Variants in PAIP1 observed in about 807,000 individuals in gnomAD.
PAIP1 encodes poly(A) binding protein interacting protein 1.
PAIP1 carries 16 observed loss-of-function variants against 61.3 expected under a neutral mutation model. That is an observed-to-expected ratio of 0.26 (90% confidence interval 0.18 to 0.40). The LOEUF is 0.40. PAIP1 is among the 10% of genes least tolerant of loss of function. The pLI, the probability that PAIP1 is intolerant of heterozygous loss-of-function variation, is 1.00. For synonymous variants in PAIP1, 187 were observed against 226.2 expected, an observed-to-expected ratio of 0.83 and a Z score of 1.56; for missense variants, 416 against 600.9, an observed-to-expected ratio of 0.69 and a Z score of 3.22.
intron 4 of PAIP1, among the ~76,000 whole-genome samples, chr5:43,542,533 C>CA (rs35220672): frequency 0.061 from 3,706 of 60,994 alleles, 117 homozygotes; most frequent in African/African-American, 0.12. Flanking sequence ...GACTCCATCT[C>CA]AAAAAAAAAA....
intron 6 of PAIP1, among the ~76,000 whole-genome samples, chr5:43,536,124 AAG>A (rs748071669): frequency 6.6e-6 from 1 of 152,232 alleles, no homozygotes; most frequent in Non-Finnish European, 1.5e-5. Flanking sequence ...AACAAAAACC[AAG>A]ATTGATTATA....
At chr5:43,546,910 G>A (rs1292971821) in intron 3 of PAIP1, among the ~76,000 whole-genome samples, 2 of 151,704 alleles carry the variant, frequency 1.3e-5, no homozygotes, top group South Asian at 2.1e-4. Context: ...GGGCATGGTG[G>A]TGCACACCTG....
chr5:43,556,342 C>A (rs937777905), intron 1 of PAIP1: 6 of 1,235,952 alleles, frequency 4.9e-6, no homozygotes, highest in African/African-American at 1.6e-5. Context: ...TCCCGGGACC[C>A]CGAACTCCGA....
intron 5 of PAIP1, among the ~76,000 whole-genome samples, chr5:43,538,353 C>A (rs1414152846): frequency 1.3e-5 from 2 of 151,964 alleles, no homozygotes; most frequent in African/African-American, 2.4e-5. Context: ...GTGTTCTTAA[C>A]ACAAAAAAGT....
chr5:43,548,139 T>C (rs572293750), intron 2 of PAIP1, among the ~76,000 whole-genome samples: 1 of 152,360 alleles, frequency 6.6e-6, no homozygotes, highest in East Asian at 1.9e-4. Context: ...AATTGTCTTC[T>C]CATTCTGGGT....
intron 5 of PAIP1, 92 bp downstream of exon 5, chr5:43,538,832 T>C: frequency 1.4e-6 from 1 of 720,244 alleles, no homozygotes; most frequent in Admixed American, 2.1e-5. Flanking sequence ...ACTCTTAATG[T>C]TGTAAAAGTA....
Position 43,545,127 on chromosome 5 carries a change from T to C in PAIP1, c.622-2011A>G, listed in dbSNP as rs958941734. The stretch of plus-strand genomic sequence containing the variant: ...TTCAGTTTTTACTACACTTTTATAT[T>C]CTTCTCATTGATTTATCCCTAAACT... On this transcript the variant is annotated intron_variant, in intron 3 of 10. Transcript: ENST00000306846. Among the ~76,000 whole-genome samples the C allele has an allele frequency of 2.6e-4, 40 of 152,236 alleles. 1 individual carries two copies. The highest frequency in any genetic ancestry group is 9.4e-4 in the African/African-American group (39 of 41,462).
intron 10 of PAIP1, among the ~76,000 whole-genome samples, chr5:43,528,591 A>T (rs1034908165): frequency 6.6e-6 from 1 of 152,164 alleles, no homozygotes. Flanking sequence ...TGGGTCCTTA[A>T]ATCCCTGTAT....
chr5:43,540,500 G>C (rs917689025), intron 4 of PAIP1, among the ~76,000 whole-genome samples: 2 of 152,100 alleles, frequency 1.3e-5, no homozygotes, highest in Admixed American at 6.5e-5. Context: ...TTAAGCTAAA[G>C]ATTTTCAATT....
intron 9 of PAIP1, among the ~76,000 whole-genome samples, chr5:43,530,466 T>C (rs562559443): frequency 6.6e-6 from 1 of 152,356 alleles, no homozygotes; most frequent in Admixed American, 6.5e-5. Flanking sequence ...TATTTCTTTA[T>C]GAAGTCCTAA....
At chr5:43,535,387 A>T (rs1444336356) in intron 7 of PAIP1, 147 bp downstream of exon 7, 1 of 618,748 alleles carries the variant, frequency 1.6e-6, no homozygotes, top group Non-Finnish European at 2.8e-6. Flanking sequence ...ACTATAGGTA[A>T]AATATTATTC....
rs201211785 is a variant in PAIP1, at chr5:43,550,861, C to T, written c.436-2948G>A. Among the ~76,000 whole-genome samples, 12 of 58,892 alleles carry T rather than the reference C, an allele frequency of 2.0e-4. 1 individual carries two copies. The highest frequency in any genetic ancestry group is 1.6e-3 in the Admixed American group (11 of 6,968). 38.6% of individuals were successfully genotyped at this position (58,892 alleles called of 152,430 possible). A position where few individuals can be genotyped will look rare whatever the true frequency, so the allele number is the denominator to read the frequency against. On this transcript the variant is annotated intron_variant, in intron 2 of 10. Coordinates refer to ENST00000306846, the MANE Select transcript of PAIP1 (RefSeq NM_006451.5). Reference sequence around the variant, plus strand: ...ACAAAAAAAAAAAAAAAAAAAAAAGCAAAAAGCCAAGTAGAGATTCTTAGA... The same window carrying T: ...ACAAAAAAAAAAAAAAAAAAAAAAGTAAAAAGCCAAGTAGAGATTCTTAGA...
At chr5:43,538,051 C>T (rs1579913023) in intron 5 of PAIP1, among the ~76,000 whole-genome samples, 1 of 150,848 alleles carries the variant, frequency 6.6e-6, no homozygotes, top group Non-Finnish European at 1.5e-5. Flanking sequence ...GTAATAATGC[C>T]GTGCTGAATC....
chr5:43,547,512 T>G (rs149514422), intron 3 of PAIP1, among the ~76,000 whole-genome samples: 33 of 152,322 alleles, frequency 2.2e-4, no homozygotes, highest in Middle Eastern at 3.4e-3. Flanking sequence ...ATATTGAATC[T>G]TGACTACACA....
chr5:43,527,875 T>C (rs1746769056), intron 10 of PAIP1, among the ~76,000 whole-genome samples: 1 of 152,202 alleles, frequency 6.6e-6, no homozygotes, highest in South Asian at 2.1e-4. Flanking sequence ...AGTGATGCAC[T>C]AATATTTTGT....
At chr5:43,542,895 T>C (rs1422803355) in intron 4 of PAIP1, 109 bp downstream of exon 4, 4 of 591,986 alleles carry the variant, frequency 6.8e-6, no homozygotes, top group Non-Finnish European at 6.1e-6. Context: ...CACATAAGAA[T>C]AGGCTGCCCT....
intron 4 of PAIP1, among the ~76,000 whole-genome samples, chr5:43,540,398 TC>T (rs1747350802): frequency 6.6e-6 from 1 of 150,616 alleles, no homozygotes; most frequent in Admixed American, 6.7e-5. Context: ...ACTTTTTTTT[TC>T]ATAAAATGCT....
chr5:43,557,090 A>G, upstream of PAIP1: 1 of 641,804 alleles, frequency 1.6e-6, no homozygotes, highest in East Asian at 3.8e-5. Flanking sequence ...TTCTCCCCCA[A>G]AACCCGGCTC....
At position 43,543,024 on chromosome 5, in the gene PAIP1, G is replaced by A; in HGVS notation, c.714C>T (p.Phe238=). 7 of 1,580,698 alleles carry A rather than the reference G, an allele frequency of 4.4e-6. No homozygotes were observed. Among genetic ancestry groups the A allele is most frequent in the Non-Finnish European group, 6.1e-6 (7 of 1,149,998 alleles). The stretch of plus-strand genomic sequence containing the variant: ...CTGACCTTTGAAGTAGCAATTGGCG[G>A]AAGTTGCCACTCTGTGGGCTAATTG... ...HLTISPQSGN[F]RQLLLQRCRT... is the part of the protein sequence containing the mutation. The change falls in exon 4 of 11, where the codon TTC becomes TTT. Residue 238 remains phenylalanine, a synonymous_variant. Coordinates refer to ENST00000306846, the MANE Select transcript of PAIP1 (RefSeq NM_006451.5).
Sources: allele counts gnomAD v4.1 joint callset (sites outside exome capture counted in the v4.1 genomes callset), GRCh38; gene constraint gnomAD v4.1.1; transcripts MANE v1.5; gene names NCBI Gene and HGNC (gene_info 2026-07-23, HGNC 2026-07-21).